RBFOX1: variants seen among roughly 807,000 people sequenced by gnomAD.
RBFOX1 encodes the protein RNA binding protein fox-1 homolog 1.
In RBFOX1, 8 loss-of-function variants were observed where a neutral mutation model predicts 57.7. The observed-to-expected ratio is 0.14, with a 90% CI of 0.08 to 0.25. RBFOX1 has a LOEUF of 0.25. Ranked by LOEUF, RBFOX1 falls within the 10% of genes least tolerant of loss-of-function variation. The pLI is 1.00. For missense variants in RBFOX1, 611 were observed against 548.5 expected (o/e 1.11, Z -1.14); for synonymous variants, 326 against 222.4 (o/e 1.47, Z -4.15).
intron 1 of RBFOX1, among the ~76,000 whole-genome samples, chr16:6,020,339 T>C (rs2095045111): frequency 6.6e-6 from 1 of 151,926 alleles, no homozygotes; most frequent in Non-Finnish European, 1.5e-5. Flanking sequence ...GCACTTTGAT[T>C]AGTCTCCCTG....
chr16:6,066,254 C>T (rs1417605185), intron 1 of RBFOX1, among the ~76,000 whole-genome samples: 1 of 130,902 alleles, frequency 7.6e-6, no homozygotes. Flanking sequence ...AAGATTGTGC[C>T]ACTGCACTCC....
intron 4 of RBFOX1, among the ~76,000 whole-genome samples, chr16:7,480,990 G>T (rs572213952): frequency 2.0e-5 from 3 of 152,164 alleles, no homozygotes; most frequent in South Asian, 4.1e-4. Context: ...GCTGCTACCT[G>T]CCATGCATGA....
intron 3 of RBFOX1, among the ~76,000 whole-genome samples, chr16:7,023,532 G>C (rs1261303821): frequency 8.4e-6 from 1 of 119,310 alleles, no homozygotes; most frequent in Middle Eastern, 6.3e-3. Flanking sequence ...TTTAAGAACA[G>C]CCTGGCCAAC....
At chr16:7,230,824 C>G (rs987361127) in intron 4 of RBFOX1, among the ~76,000 whole-genome samples, 1 of 152,124 alleles carries the variant, frequency 6.6e-6, no homozygotes, top group Non-Finnish European at 1.5e-5. Context: ...TTGTTTTTAC[C>G]CTGCAGAGCT....
At chr16:6,951,804 G>A (rs143020659) in intron 3 of RBFOX1, among the ~76,000 whole-genome samples, 3 of 152,212 alleles carry the variant, frequency 2.0e-5, no homozygotes, top group African/African-American at 7.2e-5. Context: ...CATAATCCAG[G>A]CTCACTGCAA....
chr16:7,600,770 CT>C (rs2094969455), intron 9 of RBFOX1, among the ~76,000 whole-genome samples: 1 of 152,096 alleles, frequency 6.6e-6, no homozygotes, highest in Admixed American at 6.6e-5. Context: ...ATAAATAAGA[CT>C]GAATTCTAAA....
chr16:6,395,288 AAGTC>A (rs2092778351), intron 2 of RBFOX1, among the ~76,000 whole-genome samples: 1 of 152,218 alleles, frequency 6.6e-6, no homozygotes, highest in African/African-American at 2.4e-5. Context: ...AATGCCAACA[AAGTC>A]AGATTTCAAA....
intron 2 of RBFOX1, among the ~76,000 whole-genome samples, chr16:6,411,343 C>G (rs1162330723): frequency 6.6e-6 from 1 of 152,184 alleles, no homozygotes; most frequent in Non-Finnish European, 1.5e-5. Flanking sequence ...ATGTGCTGTA[C>G]ATAGCTTGAT....
At chr16:7,600,071 A>G (rs760372902) in intron 9 of RBFOX1, among the ~76,000 whole-genome samples, 2 of 152,140 alleles carry the variant, frequency 1.3e-5, no homozygotes, top group Non-Finnish European at 2.9e-5. Context: ...AAATTATTAA[A>G]TGTGCAACCT....
chr16:6,257,398 T>C (rs927055130), intron 1 of RBFOX1, among the ~76,000 whole-genome samples: 1 of 152,106 alleles, frequency 6.6e-6, no homozygotes, highest in Non-Finnish European at 1.5e-5. Context: ...ATCAACAATA[T>C]TTGATGTTGA....
chr16:5,569,780 G>A (rs2046215337), intron 2 of RBFOX1, among the ~76,000 whole-genome samples: 1 of 151,880 alleles, frequency 6.6e-6, no homozygotes, highest in African/African-American at 2.4e-5. Context: ...TGGACATCCT[G>A]CCGTGGGAAT....
At chr16:6,450,199 T>C (rs998847907) in intron 2 of RBFOX1, among the ~76,000 whole-genome samples, 5 of 152,184 alleles carry the variant, frequency 3.3e-5, no homozygotes, top group African/African-American at 1.2e-4. Flanking sequence ...TCTGCTTTTT[T>C]ACCTAAGTAT....
intron 5 of RBFOX1, among the ~76,000 whole-genome samples, chr16:7,534,671 C>T (rs572703280): frequency 1.3e-5 from 2 of 152,248 alleles, no homozygotes; most frequent in African/African-American, 4.8e-5. Context: ...AGAACTAAGT[C>T]TAATGTATTT....
chr16:5,362,389 T>G (rs1304473811), intron 1 of RBFOX1, among the ~76,000 whole-genome samples: 1 of 151,302 alleles, frequency 6.6e-6, no homozygotes. Flanking sequence ...TGAGACAGAG[T>G]TTCGCTCTTG....
At chr16:6,938,618 C>T (rs561437866) in intron 3 of RBFOX1, among the ~76,000 whole-genome samples, 13 of 151,964 alleles carry the variant, frequency 8.6e-5, no homozygotes, top group South Asian at 6.2e-4. Flanking sequence ...TTTAGTTGGA[C>T]TGTTTATAGG....
At chr16:6,575,109 G>A (rs1049851311) in intron 2 of RBFOX1, among the ~76,000 whole-genome samples, 1 of 151,546 alleles carries the variant, frequency 6.6e-6, no homozygotes, top group African/African-American at 2.4e-5. Flanking sequence ...ACATGGCCTG[G>A]GGTCTCCCCG....
chr16:6,700,662 A>AAAT (rs957583180), intron 3 of RBFOX1, among the ~76,000 whole-genome samples: 4 of 152,068 alleles, frequency 2.6e-5, no homozygotes, highest in African/African-American at 9.7e-5. Flanking sequence ...TCATCTCAAA[A>AAAT]AATAATAATA....
intron 2 of RBFOX1, among the ~76,000 whole-genome samples, chr16:6,458,011 G>GAA (rs3066910): frequency 0.77 from 116,277 of 150,094 alleles, 45,159 homozygotes; most frequent in Middle Eastern, 0.86. Context: ...TCTCAAAACT[G>GAA]AAAAAAAAAA....
At chr16:6,795,577 C>T (rs757527785) in intron 3 of RBFOX1, among the ~76,000 whole-genome samples, 1 of 151,938 alleles carries the variant, frequency 6.6e-6, no homozygotes, top group Non-Finnish European at 1.5e-5. Flanking sequence ...ACCAGCCTGG[C>T]CAATGTGGTG....
Sources: allele counts gnomAD v4.1 joint callset (sites outside exome capture counted in the v4.1 genomes callset), GRCh38; gene constraint gnomAD v4.1.1; transcripts MANE v1.5; gene names NCBI Gene and HGNC (gene_info 2026-07-23, HGNC 2026-07-21).